The following PRKCE variants were observed in gnomAD, a reference collection of about 807,000 sequenced individuals.
PRKCE encodes protein kinase C epsilon, also known as protein kinase C epsilon type.
In PRKCE, 16 loss-of-function variants were observed where a neutral mutation model predicts 85.4. The observed-to-expected ratio is 0.19, with a 90% confidence interval of 0.13 to 0.28. The LOEUF (loss-of-function observed/expected upper bound fraction) is 0.28, where lower values mean the gene tolerates loss of function less well. PRKCE is among the 10% of genes least tolerant of loss of function. The pLI is 1.00. For missense variants in PRKCE, 573 were observed against 975.2 expected (o/e 0.59, Z 5.49); for synonymous variants, 388 against 371.5 (o/e 1.04, Z -0.51).
intron 14 of PRKCE, among the ~76,000 whole-genome samples, chr2:46,171,312 C>T (rs1337463935): frequency 1.3e-5 from 2 of 152,198 alleles, no homozygotes; most frequent in Non-Finnish European, 2.9e-5. Flanking sequence ...CTAATGTCTA[C>T]GAAATAACCC....
At chr2:45,671,142 C>T (rs1021067346) in intron 1 of PRKCE, among the ~76,000 whole-genome samples, 13 of 152,242 alleles carry the variant, frequency 8.5e-5, no homozygotes, top group African/African-American at 3.1e-4. Flanking sequence ...GGCCTTACCC[C>T]TCAGGAGACT....
chr2:45,852,373 G>T (rs1692338311), intron 2 of PRKCE, among the ~76,000 whole-genome samples: 1 of 152,162 alleles, frequency 6.6e-6, no homozygotes, highest in African/African-American at 2.4e-5. Flanking sequence ...TTACTTTCAG[G>T]TGTATCCATC....
At chr2:45,745,955 C>T (rs1044407916) in intron 1 of PRKCE, among the ~76,000 whole-genome samples, 10 of 152,198 alleles carry the variant, frequency 6.6e-5, no homozygotes, top group African/African-American at 2.4e-4. Flanking sequence ...GGACTTTTAC[C>T]ATGCTAAGAT....
intron 11 of PRKCE, among the ~76,000 whole-genome samples, chr2:46,117,335 A>G (rs1274015328): frequency 6.6e-6 from 1 of 152,198 alleles, no homozygotes; most frequent in East Asian, 1.9e-4. Context: ...TTGACTACAT[A>G]GTCTCTTTTG....
chr2:45,985,454 C>A (rs983456426), intron 6 of PRKCE, among the ~76,000 whole-genome samples: 3 of 152,056 alleles, frequency 2.0e-5, no homozygotes, highest in African/African-American at 7.3e-5. Context: ...CCGTGAACTA[C>A]TAGGCAGGGA....
chr2:45,849,443 T>C (rs993623572), intron 2 of PRKCE, among the ~76,000 whole-genome samples: 33 of 152,264 alleles, frequency 2.2e-4, no homozygotes, highest in Middle Eastern at 6.8e-3. Flanking sequence ...CTCCATCCTT[T>C]CAAAAGTGCC....
At chr2:45,852,760 T>C (rs1011673903) in intron 2 of PRKCE, among the ~76,000 whole-genome samples, 1 of 152,254 alleles carries the variant, frequency 6.6e-6, no homozygotes, top group Admixed American at 6.5e-5. Flanking sequence ...GCAGAAATTA[T>C]TTTATTTAAG....
At chr2:45,977,015 G>T (rs1306018718) in intron 3 of PRKCE, among the ~76,000 whole-genome samples, 1 of 151,882 alleles carries the variant, frequency 6.6e-6, no homozygotes, top group Non-Finnish European at 1.5e-5. Context: ...TCATGCCTCA[G>T]CCTCCCACAT....
At chr2:45,728,704 A>G (rs1681301244) in intron 1 of PRKCE, among the ~76,000 whole-genome samples, 1 of 152,174 alleles carries the variant, frequency 6.6e-6, no homozygotes, top group Non-Finnish European at 1.5e-5. Flanking sequence ...TGTCTTCACC[A>G]GTTCATGGTT....
intron 1 of PRKCE, among the ~76,000 whole-genome samples, chr2:45,693,726 G>T (rs1572963453): frequency 6.6e-6 from 1 of 152,322 alleles, no homozygotes; most frequent in African/African-American, 2.4e-5. Flanking sequence ...GTAGAATAAG[G>T]CAGTCGGGGT....
intron 2 of PRKCE, among the ~76,000 whole-genome samples, chr2:45,854,983 G>C (rs1692562192): frequency 6.6e-6 from 1 of 152,230 alleles, no homozygotes; most frequent in Admixed American, 6.5e-5. Context: ...TACTCAAACA[G>C]TAAGTAGGGA....
At chr2:45,817,422 G>A (rs772194152) in intron 1 of PRKCE, among the ~76,000 whole-genome samples, 9 of 152,042 alleles carry the variant, frequency 5.9e-5, no homozygotes, top group Non-Finnish European at 8.8e-5. Flanking sequence ...GGCTGGGCGC[G>A]GTGGCTCACG....
Position 45,759,480 on chromosome 2 carries a change from A to T in PRKCE, c.349-83520A>T, listed in dbSNP as rs4952769. On this transcript the variant is annotated intron_variant, in intron 1 of 14. Transcript: ENST00000306156. Reference sequence around the variant, plus strand: ...CTGTGAGGCTTCCCGTGCATCTCAGACCTTGAGAGACCAAGCCTCTCTTTT... The same window carrying T: ...CTGTGAGGCTTCCCGTGCATCTCAGTCCTTGAGAGACCAAGCCTCTCTTTT... Among the ~76,000 whole-genome samples the T allele has an allele frequency of 3.8e-3, 572 of 152,134 alleles. 5 individuals carry two copies. Among genetic ancestry groups the T allele is most frequent in the Admixed American group, 0.018 (268 of 15,300 alleles).
At chr2:45,777,315 C>T (rs1400052937) in intron 1 of PRKCE, among the ~76,000 whole-genome samples, 1 of 152,094 alleles carries the variant, frequency 6.6e-6, no homozygotes, top group African/African-American at 2.4e-5. Flanking sequence ...GGTCCCCCTT[C>T]CTTTATATTC....
rs1257536374 is a variant in PRKCE, at chr2:46,186,889, TTAAGA to T, written c.*2012_*2016del. The T allele has an allele frequency of 6.5e-6, 1 of 152,680 alleles. No homozygotes were observed. The highest frequency in any genetic ancestry group is 1.5e-5 in the Non-Finnish European group (1 of 68,044). 9.5% of individuals were successfully genotyped at this position (152,680 alleles called of 1,614,324 possible). On this transcript the variant is annotated 3_prime_UTR_variant, in exon 15 of 15. Transcript: ENST00000306156. ...ACTCAGGTGTAATTATTATCTGTTC[TTAAGA>T]TAATTGCAAATATTAAATATTATGA...
At chr2:46,035,180 C>T (rs963181114) in intron 10 of PRKCE, among the ~76,000 whole-genome samples, 1 of 152,174 alleles carries the variant, frequency 6.6e-6, no homozygotes, top group Admixed American at 6.5e-5. Context: ...TTCCATCGTC[C>T]AGGTGTCCCC....
At chr2:46,175,234 G>T (rs1466222682) in intron 14 of PRKCE, among the ~76,000 whole-genome samples, 1 of 152,192 alleles carries the variant, frequency 6.6e-6, no homozygotes, top group African/African-American at 2.4e-5. Context: ...CACATATTTG[G>T]CTATTTGCCT....
At chr2:46,048,753 C>T (rs1164176843) in intron 10 of PRKCE, among the ~76,000 whole-genome samples, 1 of 152,150 alleles carries the variant, frequency 6.6e-6, no homozygotes, top group African/African-American at 2.4e-5. Context: ...AATACATTGG[C>T]CTTTAAATGC....
Position 45,964,165 on chromosome 2 carries a change from T to C in PRKCE, c.413-12264T>C, listed in dbSNP as rs1473172788. ...TTGTTATTTGTTCGAGGGAGGAATG[T>C]CCCACTCTACTCGGCACATTCACAC... On this transcript the variant is annotated intron_variant, in intron 2 of 14. Transcript: ENST00000306156. Among the ~76,000 whole-genome samples the C allele has an allele frequency of 8.5e-5, 13 of 152,288 alleles. No homozygotes were observed. The East Asian group carries it at 2.1e-3, about 25-fold the overall frequency.
Sources: allele counts gnomAD v4.1 joint callset (sites outside exome capture counted in the v4.1 genomes callset), GRCh38; gene constraint gnomAD v4.1.1; transcripts MANE v1.5; gene names NCBI Gene and HGNC (gene_info 2026-07-23, HGNC 2026-07-21).